TSNARE1: variants seen among roughly 807,000 people sequenced by gnomAD.
TSNARE1 encodes the protein t-SNARE domain-containing protein 1.
TSNARE1 carries 49 observed loss-of-function variants against 62.0 expected under a neutral mutation model. That is an observed-to-expected ratio of 0.79 (90% confidence interval 0.63 to 1.00). The LOEUF is 1.00. Among genes scored for constraint, TSNARE1 ranks in the 50% least tolerant of loss-of-function variants. The probability of loss-of-function intolerance (pLI) is 0.00; values close to 1 mark genes in which losing one functional copy is unlikely to be tolerated. For synonymous variants in TSNARE1, 328 were observed against 294.4 expected, an observed-to-expected ratio of 1.11 and a Z score of -1.17; for missense variants, 755 against 700.1, an observed-to-expected ratio of 1.08 and a Z score of -0.88.
upstream of TSNARE1, chr8:142,404,001 C>T (rs944378841): frequency 6.6e-6 from 1 of 152,250 alleles, no homozygotes; most frequent in Non-Finnish European, 1.5e-5. Flanking sequence ...CCTGTTTCCC[C>T]AGAGGTGAAC....
At chr8:142,355,803 G>A (rs1834683080) in intron 1 of TSNARE1, among the ~76,000 whole-genome samples, 1 of 152,192 alleles carries the variant, frequency 6.6e-6, no homozygotes, top group Non-Finnish European at 1.5e-5. Context: ...GCTGAGTACA[G>A]ACCCAAGTCC....
chr8:142,248,048 C>T (rs533736882), intron 12 of TSNARE1, among the ~76,000 whole-genome samples: 16 of 152,304 alleles, frequency 1.1e-4, no homozygotes, highest in Admixed American at 2.6e-4. Context: ...ACCACCGTGA[C>T]GGTATCGAGA....
intron 12 of TSNARE1, among the ~76,000 whole-genome samples, chr8:142,245,275 A>T (rs968289979): frequency 2.0e-5 from 3 of 152,222 alleles, no homozygotes; most frequent in Non-Finnish European, 4.4e-5. Flanking sequence ...GTCTCAGCTG[A>T]CAGAGGGGAA....
intron 2 of TSNARE1, among the ~76,000 whole-genome samples, chr8:142,348,445 G>A (rs752256565): frequency 6.6e-6 from 1 of 152,024 alleles, no homozygotes; most frequent in African/African-American, 2.4e-5. Flanking sequence ...AAGCACGGCT[G>A]GGCTAAGAGA....
chr8:142,286,429 T>C (rs902187189), intron 10 of TSNARE1, among the ~76,000 whole-genome samples: 2 of 152,346 alleles, frequency 1.3e-5, no homozygotes, highest in Admixed American at 6.5e-5. Flanking sequence ...TAGTATCAAT[T>C]GCAATTCAAT....
At chr8:142,277,148 C>T in intron 11 of TSNARE1, 3 of 985,332 alleles carry the variant, frequency 3.0e-6, no homozygotes, top group Non-Finnish European at 3.6e-6. Flanking sequence ...GTGAGGTGAG[C>T]CCTGCAGAGC....
intron 12 of TSNARE1, among the ~76,000 whole-genome samples, chr8:142,241,158 C>T (rs1393677580): frequency 6.6e-6 from 1 of 152,146 alleles, no homozygotes; most frequent in Non-Finnish European, 1.5e-5. Flanking sequence ...AAGTAACAAA[C>T]GAATTCAGGA....
chr8:142,284,428 G>C lies in TSNARE1; in HGVS notation c.1348C>G (p.Gln450Glu). Residue 450 changes from glutamine (Q) to glutamate (E), a missense_variant, in exon 11 of 14, where the codon CAA becomes GAA. Transcript: ENST00000524325. ...IKDLASMVSE[Q>E]GEAVDSIEAS... Reference sequence around the variant, plus strand: ...GGGTACCCACCAACAGCTTCTCCTTGCTCTGACACCATGGAGGCCAAGTCC... The same window carrying C: ...GGGTACCCACCAACAGCTTCTCCTTCCTCTGACACCATGGAGGCCAAGTCC... The C allele has an allele frequency of 2.5e-6, 4 of 1,613,500 alleles. No individual in the cohort carries two copies. The highest frequency in any genetic ancestry group is 3.4e-6 in the Non-Finnish European group (4 of 1,179,920).
chr8:142,216,038 T>C (rs1815816214), intron 13 of TSNARE1, among the ~76,000 whole-genome samples: 1 of 152,086 alleles, frequency 6.6e-6, no homozygotes, highest in Admixed American at 6.5e-5. Context: ...GCCGGCTGAG[T>C]GGCCCTGTGA....
chr8:142,283,086 TATCAATGA>T (rs1821931235), intron 11 of TSNARE1, among the ~76,000 whole-genome samples: 2 of 147,416 alleles, frequency 1.4e-5, no homozygotes, highest in Non-Finnish European at 3.0e-5. Flanking sequence ...GGCCAGTGTC[TATCAATGA>T]GCAGAGGGGA....
At position 142,246,661 on chromosome 8, in the gene TSNARE1, G is replaced by A. The variant is rs533941214; in HGVS notation, c.1447-17082C>T. Among the ~76,000 whole-genome samples the A allele has an allele frequency of 2.2e-4, 33 of 152,268 alleles. No homozygotes were observed. In the East Asian group the frequency reaches 3.3e-3, roughly 15 times the overall value. ...GGCTTCCCTGAGCCCTGGGCCCCTC[G>A]TCTTCCCCGTGGAGGCTGGCAGAAC... is the stretch of plus-strand genomic sequence containing the variant. On this transcript the variant is annotated intron_variant, in intron 12 of 13. Transcript: ENST00000524325.
chr8:142,246,953 C>A (rs1459274249), intron 12 of TSNARE1, among the ~76,000 whole-genome samples: 1 of 152,248 alleles, frequency 6.6e-6, no homozygotes, highest in Non-Finnish European at 1.5e-5. Flanking sequence ...TCAGTCATTC[C>A]TTAGTCTCTC....
At chr8:142,309,737 G>T (rs1044220069) in intron 9 of TSNARE1, among the ~76,000 whole-genome samples, 1 of 152,076 alleles carries the variant, frequency 6.6e-6, no homozygotes, top group African/African-American at 2.4e-5. Flanking sequence ...TAAGAATCTG[G>T]AATCAAGGTA....
At chr8:142,279,428 C>G (rs979619397) in intron 11 of TSNARE1, among the ~76,000 whole-genome samples, 2 of 152,232 alleles carry the variant, frequency 1.3e-5, no homozygotes, top group African/African-American at 4.8e-5. Context: ...CAGGCCTTGT[C>G]TCTGCCCCTC....
intron 13 of TSNARE1, among the ~76,000 whole-genome samples, chr8:142,220,346 C>T (rs1259711227): frequency 1.3e-5 from 2 of 152,160 alleles, no homozygotes; most frequent in Non-Finnish European, 1.5e-5. Context: ...CTGCCCAGCT[C>T]TGCCTCCAGC....
At chr8:142,244,322 A>G (rs574791583) in intron 12 of TSNARE1, among the ~76,000 whole-genome samples, 1 of 152,354 alleles carries the variant, frequency 6.6e-6, no homozygotes, top group African/African-American at 2.4e-5. Context: ...ACACATTTCT[A>G]TATATCAGCC....
chr8:142,241,686 C>G (rs560408305), intron 12 of TSNARE1, among the ~76,000 whole-genome samples: 12 of 152,282 alleles, frequency 7.9e-5, no homozygotes, highest in African/African-American at 2.6e-4. Context: ...AGAGAAGGCC[C>G]AGAAACAAAT....
chr8:142,331,917 CAGG>C, intron 4 of TSNARE1, 86 bp from the exon 5 acceptor site: 1 of 1,334,464 alleles, frequency 7.5e-7, no homozygotes, highest in East Asian at 2.5e-5. Context: ...GGGCAGCCCC[CAGG>C]GGCAGGGACC....
At chr8:142,367,155 T>C (rs1026774157) in intron 1 of TSNARE1, among the ~76,000 whole-genome samples, 2 of 152,224 alleles carry the variant, frequency 1.3e-5, no homozygotes, top group South Asian at 2.1e-4. Flanking sequence ...TGTTCTTGAA[T>C]AGAATGACTG....
Sources: gnomAD v4.1 joint callset for allele counts (sites outside exome capture counted in the v4.1 genomes callset) on GRCh38, gnomAD v4.1.1 for gene constraint, MANE v1.5 for transcripts, NCBI Gene and HGNC (gene_info 2026-07-23, HGNC 2026-07-21) for gene names.